Variants in INPP4B observed in about 807,000 individuals in gnomAD.
INPP4B encodes the protein inositol polyphosphate-4-phosphatase type II B.
In INPP4B, 55 loss-of-function variants were observed where a neutral mutation model predicts 122.5. The observed-to-expected ratio is 0.45, with a 90% CI of 0.36 to 0.56. The LOEUF (loss-of-function observed/expected upper bound fraction) is 0.56. Among genes scored for constraint, INPP4B ranks in the 20% least tolerant of loss-of-function variants. The pLI is 0.00. For missense variants in INPP4B, 1,000 were observed against 1,097.7 expected (o/e 0.91, Z 1.26); for synonymous variants, 403 against 388.7 (o/e 1.04, Z -0.43).
chr4:142,435,949 G>A (rs1054958124), intron 3 of INPP4B, among the ~76,000 whole-genome samples: 1 of 151,934 alleles, frequency 6.6e-6, no homozygotes, highest in Non-Finnish European at 1.5e-5. Flanking sequence ...AACCTTATGA[G>A]CTCCTTGGAG....
At chr4:142,443,516 T>C (rs1245429164) in intron 3 of INPP4B, among the ~76,000 whole-genome samples, 1 of 152,092 alleles carries the variant, frequency 6.6e-6, no homozygotes, top group African/African-American at 2.4e-5. Context: ...CCTTTATTAC[T>C]ATAGAGTGAT....
intron 9 of INPP4B, among the ~76,000 whole-genome samples, chr4:142,301,905 T>G (rs1761584579): frequency 6.6e-6 from 1 of 152,026 alleles, no homozygotes; most frequent in African/African-American, 2.4e-5. Context: ...ATCAATATAA[T>G]TTTTTTTCCT....
intron 12 of INPP4B, among the ~76,000 whole-genome samples, chr4:142,225,566 T>C (rs1421445333): frequency 1.3e-5 from 2 of 149,594 alleles, no homozygotes; most frequent in Non-Finnish European, 3.0e-5. Flanking sequence ...ATATATATTA[T>C]ACAATTTAAG....
intron 12 of INPP4B, among the ~76,000 whole-genome samples, chr4:142,210,812 A>G (rs1336678709): frequency 1.3e-5 from 2 of 152,176 alleles, no homozygotes; most frequent in Non-Finnish European, 2.9e-5. Context: ...GAATAAGTAA[A>G]GGGGGGATGA....
chr4:142,456,315 A>G (rs1051911385), intron 3 of INPP4B, among the ~76,000 whole-genome samples: 2 of 151,936 alleles, frequency 1.3e-5, no homozygotes, highest in Non-Finnish European at 2.9e-5. Flanking sequence ...ATTCATTTTG[A>G]TTTGTATATG....
chr4:142,496,592 C>T (rs568609218), intron 2 of INPP4B, among the ~76,000 whole-genome samples: 1 of 152,148 alleles, frequency 6.6e-6, no homozygotes, highest in Admixed American at 6.6e-5. Context: ...TCTCTCAGAC[C>T]TCTTTCCTTT....
intron 20 of INPP4B, among the ~76,000 whole-genome samples, chr4:142,122,616 T>C (rs1797024495): frequency 6.6e-6 from 1 of 152,102 alleles, no homozygotes; most frequent in African/African-American, 2.4e-5. Flanking sequence ...AGGTTCATGC[T>C]AGTTTTGCAT....
intron 9 of INPP4B, among the ~76,000 whole-genome samples, chr4:142,282,657 A>G (rs1343331158): frequency 6.6e-6 from 1 of 152,134 alleles, no homozygotes; most frequent in Non-Finnish European, 1.5e-5. Flanking sequence ...CTCAGTCTCA[A>G]GGCCATTCTT....
chr4:142,158,881 A>AAATGGT lies in INPP4B; in HGVS notation c.1563+1471_1563+1476dup, dbSNP rs200560814. Among the ~76,000 whole-genome samples the AAATGGT allele has an allele frequency of 1.3e-3, 204 of 152,120 alleles. 7 individuals carry two copies. The East Asian group carries it at 0.038, about 29-fold the overall frequency. ...CAAGATTCTCACTTGATTTAATATA[A>AAATGGT]AATGGTAATTATTTGTCAAAAGGTC... On this transcript the variant is annotated intron_variant, in intron 17 of 25. Transcript: ENST00000262992.
chr4:142,782,876 T>G (rs561771323), intron 1 of INPP4B, among the ~76,000 whole-genome samples: 1 of 147,250 alleles, frequency 6.8e-6, no homozygotes, highest in African/African-American at 2.5e-5. Context: ...CTACAACTAT[T>G]GATCTTTGAC....
intron 2 of INPP4B, among the ~76,000 whole-genome samples, chr4:142,515,152 G>A (rs1284763142): frequency 6.6e-6 from 1 of 152,088 alleles, no homozygotes; most frequent in Non-Finnish European, 1.5e-5. Flanking sequence ...GCAAAAACAA[G>A]GTTTAATTTA....
At chr4:142,036,323 G>C (rs1220449524) in intron 25 of INPP4B, among the ~76,000 whole-genome samples, 1 of 152,038 alleles carries the variant, frequency 6.6e-6, no homozygotes, top group African/African-American at 2.4e-5. Flanking sequence ...AAAAAGTATA[G>C]AATCATCTGT....
chr4:142,615,713 G>A (rs944958919), intron 2 of INPP4B, among the ~76,000 whole-genome samples: 1 of 152,068 alleles, frequency 6.6e-6, no homozygotes, highest in Non-Finnish European at 1.5e-5. Context: ...TTCCCATCAT[G>A]GCTGGGAATT....
chr4:142,269,434 C>T (rs1744676815), intron 10 of INPP4B, among the ~76,000 whole-genome samples: 1 of 152,158 alleles, frequency 6.6e-6, no homozygotes, highest in Admixed American at 6.5e-5. Flanking sequence ...CAGCCTCAAC[C>T]TTGGCAAAAT....
intron 7 of INPP4B, among the ~76,000 whole-genome samples, chr4:142,399,010 CA>C (rs1343515456): frequency 1.3e-5 from 2 of 151,762 alleles, no homozygotes; most frequent in Non-Finnish European, 2.9e-5. Context: ...CTACCATGGG[CA>C]AAAATAAAAA....
chr4:142,456,826 G>C (rs1255758413), intron 3 of INPP4B, among the ~76,000 whole-genome samples: 1 of 151,924 alleles, frequency 6.6e-6, no homozygotes, highest in Non-Finnish European at 1.5e-5. Flanking sequence ...AATTTTAGTA[G>C]ATATCAAGAA....
chr4:142,792,401 G>T (rs1047958599), intron 1 of INPP4B, among the ~76,000 whole-genome samples: 4 of 151,846 alleles, frequency 2.6e-5, no homozygotes, highest in African/African-American at 9.7e-5. Context: ...ACACAGCAAA[G>T]GTTCATTTTG....
intron 2 of INPP4B, among the ~76,000 whole-genome samples, chr4:142,619,026 C>T (rs1296108468): frequency 6.6e-6 from 1 of 151,894 alleles, no homozygotes; most frequent in Non-Finnish European, 1.5e-5. Flanking sequence ...CGCAAATCAA[C>T]ACCACATTGA....
chr4:142,683,492 G>A (rs536587813), intron 2 of INPP4B, among the ~76,000 whole-genome samples: 1 of 151,962 alleles, frequency 6.6e-6, no homozygotes, highest in African/African-American at 2.4e-5. Context: ...GAAACATGCT[G>A]TAGGAGAGAA....
Sources: allele counts gnomAD v4.1 joint callset (sites outside exome capture counted in the v4.1 genomes callset), GRCh38; gene constraint gnomAD v4.1.1; transcripts MANE v1.5; gene names NCBI Gene and HGNC (gene_info 2026-07-23, HGNC 2026-07-21).